LRP6: variants seen among roughly 807,000 people sequenced by gnomAD.
LRP6 encodes low-density lipoprotein receptor-related protein 6.
A neutral mutation model predicts 184.1 loss-of-function variants in LRP6; 43 were observed. That is an observed-to-expected ratio of 0.23 (90% CI 0.18 to 0.30). The LOEUF is 0.30. Among genes scored for constraint, LRP6 ranks in the 10% least tolerant of loss-of-function variants. The pLI, the probability that LRP6 is intolerant of heterozygous loss-of-function variation, is 1.00. For synonymous variants in LRP6, 719 were observed against 684.9 expected, an observed-to-expected ratio of 1.05 and a Z score of -0.78; for missense variants, 1,571 against 2,005.3, an observed-to-expected ratio of 0.78 and a Z score of 4.14.
At position 12,147,392 on chromosome 12, in the gene LRP6, C is replaced by T. The variant is rs747507142; in HGVS notation, c.3371G>A (p.Arg1124Gln). ...TGAGAGATCACTGCTTTCAATTCGCCGGAGATCTGAATCAGCCCAAAAGAG... is the reference window on the plus strand; with the variant it reads ...TGAGAGATCACTGCTTTCAATTCGCTGGAGATCTGAATCAGCCCAAAAGAG... ...GKLFWADSDL[R>Q]RIESSDLSGA... Residue 1124 changes from arginine (R) to glutamine (Q), a missense_variant, in exon 15 of 23, where the codon CGG (arginine) becomes CAG (glutamine). Transcript: ENST00000261349. The T allele has an allele frequency of 8.1e-6, 13 of 1,613,964 alleles. No individual in the cohort carries two copies. Among genetic ancestry groups the T allele is most frequent in the Middle Eastern group, 1.6e-4 (1 of 6,084 alleles).
chr12:12,145,906 A>C (rs1161717449), intron 15 of LRP6, among the ~76,000 whole-genome samples: 1 of 152,072 alleles, frequency 6.6e-6, no homozygotes, highest in Non-Finnish European at 1.5e-5. Context: ...TGCTGAGATT[A>C]CAAGCATGAG....
At chr12:12,228,010 G>C (rs1864674478) in intron 2 of LRP6, among the ~76,000 whole-genome samples, 1 of 152,134 alleles carries the variant, frequency 6.6e-6, no homozygotes, top group African/African-American at 2.4e-5. Flanking sequence ...AATAAGACTG[G>C]TACCAAATCC....
intron 12 of LRP6, among the ~76,000 whole-genome samples, chr12:12,151,337 T>C (rs1239562248): frequency 6.6e-6 from 1 of 152,168 alleles, no homozygotes; most frequent in African/African-American, 2.4e-5. Flanking sequence ...AGGTATTTGA[T>C]ATACAAAATT....
At chr12:12,211,305 G>C (rs1261510244) in intron 2 of LRP6, among the ~76,000 whole-genome samples, 2 of 152,276 alleles carry the variant, frequency 1.3e-5, no homozygotes, top group East Asian at 3.9e-4. Context: ...AGTTAGGCGT[G>C]GTGGTGGGCA....
chr12:12,228,351 G>A (rs976351928), intron 2 of LRP6, among the ~76,000 whole-genome samples: 5 of 152,094 alleles, frequency 3.3e-5, no homozygotes, highest in East Asian at 1.9e-4. Context: ...GTGACACAGC[G>A]AGGCTCCATC....
chr12:12,138,246 T>C (rs999868252), intron 16 of LRP6, 79 bp downstream of exon 16: 2 of 1,346,458 alleles, frequency 1.5e-6, no homozygotes, highest in African/African-American at 2.9e-5. Context: ...GGAAACAGAG[T>C]TTAAAAATCC....
At position 12,197,142 on chromosome 12, in the gene LRP6, A is replaced by C. The variant is rs530790436; in HGVS notation, c.647+6061T>G. 6.7e-4 allele frequency among the ~76,000 whole-genome samples: 102 copies of C among 152,348 alleles called. 2 individuals are homozygous for C. The South Asian group carries it at 0.012, about 18-fold the overall frequency. On this transcript the variant is annotated intron_variant, in intron 3 of 22. Coordinates refer to ENST00000261349, the MANE Select transcript of LRP6 (RefSeq NM_002336.3). ...AATTCCTTTTTAAAATACCATTATGAACTCAAGAATTTAAACACACTTCAC... is the reference window on the plus strand; with the variant it reads ...AATTCCTTTTTAAAATACCATTATGCACTCAAGAATTTAAACACACTTCAC...
intron 1 of LRP6, among the ~76,000 whole-genome samples, chr12:12,253,384 A>G (rs760278471): frequency 6.6e-6 from 1 of 152,134 alleles, no homozygotes; most frequent in Non-Finnish European, 1.5e-5. Flanking sequence ...CAATTTCATT[A>G]TCTTTTCTAA....
intron 7 of LRP6, among the ~76,000 whole-genome samples, chr12:12,175,185 T>C (rs1001523182): frequency 1.3e-5 from 2 of 152,136 alleles, no homozygotes; most frequent in African/African-American, 4.8e-5. Context: ...GGTCAGGAGT[T>C]CGAGGCCAGC....
At chr12:12,139,880 G>A (rs1364232599) in intron 15 of LRP6, among the ~76,000 whole-genome samples, 1 of 152,164 alleles carries the variant, frequency 6.6e-6, no homozygotes, top group Non-Finnish European at 1.5e-5. Flanking sequence ...CCCAGAGAAA[G>A]CTAAAGGCCT....
Position 12,155,449 on chromosome 12 carries a change from G to A in LRP6, c.2791+3380C>T, listed in dbSNP as rs959091614. On this transcript the variant is annotated intron_variant, in intron 12 of 22. Transcript: ENST00000261349. ...AGTGTTACCACTGCAAAACTGGAAG[G>A]GTCTACAATGTTACCCAGCATGCTG... 4.2e-6 allele frequency: 4 copies of A among 959,942 alleles called. No individual in the cohort carries two copies. In the Admixed American group the frequency reaches 5.1e-5, roughly 12 times the overall value. The allele number at this position is 959,942 out of a possible 1,614,324, so 59.5% of individuals were successfully genotyped here. A position where few individuals can be genotyped will look rare whatever the true frequency, so the allele number is the denominator to read the frequency against.
chr12:12,228,187 A>G (rs1236329925), intron 2 of LRP6, among the ~76,000 whole-genome samples: 1 of 152,124 alleles, frequency 6.6e-6, no homozygotes, highest in Admixed American at 6.5e-5. Context: ...CCTGGCCAAC[A>G]TGGTGAAACC....
chr12:12,240,050 A>T (rs1186516927), intron 2 of LRP6, among the ~76,000 whole-genome samples: 2 of 146,116 alleles, frequency 1.4e-5, no homozygotes, highest in Non-Finnish European at 3.0e-5. Flanking sequence ...ACACACACAC[A>T]AAGAGACACA....
At chr12:12,262,611 C>T (rs956463268) in intron 1 of LRP6, among the ~76,000 whole-genome samples, 4 of 151,306 alleles carry the variant, frequency 2.6e-5, no homozygotes, top group Admixed American at 6.6e-5. Flanking sequence ...TTACACACAC[C>T]GATGGTATTC....
chr12:12,213,543 ATTTC>A (rs1206392172), intron 2 of LRP6, among the ~76,000 whole-genome samples: 2 of 151,840 alleles, frequency 1.3e-5, no homozygotes, highest in Non-Finnish European at 2.9e-5. Flanking sequence ...TTTCTTTGCA[ATTTC>A]TTTCATTGCT....
intron 1 of LRP6, among the ~76,000 whole-genome samples, chr12:12,257,655 C>A (rs1166219957): frequency 1.4e-5 from 2 of 142,812 alleles, no homozygotes; most frequent in African/African-American, 5.2e-5. Flanking sequence ...GAAAAAAGTA[C>A]TTGAGGCCAG....
chr12:12,178,749 A>C (rs1863257720), intron 7 of LRP6, among the ~76,000 whole-genome samples: 1 of 152,208 alleles, frequency 6.6e-6, no homozygotes. Context: ...GAGTCTATGC[A>C]AAATTTTCTA....
At chr12:12,185,484 T>C (rs916543282) in intron 4 of LRP6, among the ~76,000 whole-genome samples, 1 of 152,202 alleles carries the variant, frequency 6.6e-6, no homozygotes, top group Non-Finnish European at 1.5e-5. Context: ...GGAGAGCTAA[T>C]ATAAAGCAAC....
intron 4 of LRP6, among the ~76,000 whole-genome samples, chr12:12,185,102 C>G (rs1273151771): frequency 6.6e-6 from 1 of 152,110 alleles, no homozygotes; most frequent in East Asian, 1.9e-4. Context: ...TGAGACCAGC[C>G]TGGGTCACCA....
Sources: gnomAD v4.1 joint callset for allele counts (sites outside exome capture counted in the v4.1 genomes callset) on GRCh38, gnomAD v4.1.1 for gene constraint, MANE v1.5 for transcripts, NCBI Gene and HGNC (gene_info 2026-07-23, HGNC 2026-07-21) for gene names.